TRPM3: variants seen among roughly 807,000 people sequenced by gnomAD.
TRPM3 encodes long transient receptor potential channel 3.
Under a neutral mutation model 181.2 loss-of-function variants are expected in TRPM3, and 77 were observed. The ratio of observed to expected loss-of-function variants is 0.42; its 90% CI spans 0.35 to 0.51. TRPM3 has a LOEUF of 0.51. Ranked by LOEUF, TRPM3 falls within the 20% of genes least tolerant of loss-of-function variation. TRPM3 has a pLI of 0.01. For missense variants in TRPM3, 1,759 were observed against 2,196.7 expected (o/e 0.80, Z 3.98); for synonymous variants, 745 against 796.4 (o/e 0.94, Z 1.09).
At position 71,176,078 on chromosome 9, in the gene TRPM3, T is replaced by C. The variant is rs374369296; in HGVS notation, c.183+270575A>G. 1.6e-4 allele frequency among the ~76,000 whole-genome samples: 25 copies of C among 152,296 alleles called. No individual in the cohort carries two copies. The South Asian group carries it at 3.5e-3, about 21-fold the overall frequency. On this transcript the variant is annotated intron_variant, in intron 1 of 24. Transcript: ENST00000357533. ...ATGACATACGGTACATAATACTTGA[T>C]AAGAAATGATGATGTTACTAGTGTA...
At chr9:71,398,475 G>A (rs562559617) in intron 1 of TRPM3, among the ~76,000 whole-genome samples, 164 of 152,290 alleles carry the variant, frequency 1.1e-3, no homozygotes, top group African/African-American at 3.9e-3. Context: ...CCTGGTGGGA[G>A]GTGATTGGAT....
chr9:70,836,641 T>G (rs1687641295), intron 5 of TRPM3, among the ~76,000 whole-genome samples: 1 of 152,168 alleles, frequency 6.6e-6, no homozygotes, highest in African/African-American at 2.4e-5. Flanking sequence ...CTGACTTTGC[T>G]TCTACCTCTC....
At chr9:70,611,507 A>G (rs1341741761) in intron 18 of TRPM3, among the ~76,000 whole-genome samples, 1 of 152,188 alleles carries the variant, frequency 6.6e-6, no homozygotes, top group East Asian at 1.9e-4. Context: ...TTTGCCTTCC[A>G]CCATGATTGT....
chr9:70,791,937 T>A lies in TRPM3; in HGVS notation c.974-7658A>T, dbSNP rs192478788. Among the ~76,000 whole-genome samples the A allele has an allele frequency of 3.5e-4, 54 of 152,340 alleles. 2 individuals are homozygous for A. In the Middle Eastern group the frequency reaches 0.02, roughly 58 times the overall value. On this transcript the variant is annotated intron_variant, in intron 6 of 25. Coordinates refer to ENST00000677713, the MANE Select transcript of TRPM3 (RefSeq NM_001366145.2). ...ATCGACTGGCCTTCTTTTGGGGCAT[T>A]GCCTTCTTGCTTTGCTTTTCTATCT...
At chr9:71,130,740 G>C (rs543214267) in intron 1 of TRPM3, among the ~76,000 whole-genome samples, 8 of 152,252 alleles carry the variant, frequency 5.3e-5, no homozygotes, top group African/African-American at 1.9e-4. Context: ...CTGGTTGACT[G>C]CATGGGACAA....
At chr9:71,054,745 G>A (rs2060466266) in intron 1 of TRPM3, among the ~76,000 whole-genome samples, 1 of 152,194 alleles carries the variant, frequency 6.6e-6, no homozygotes, top group South Asian at 2.1e-4. Context: ...CTGAAGGACT[G>A]ACTGGCAAAT....
chr9:70,811,345 G>C, intron 6 of TRPM3: 1 of 987,076 alleles, frequency 1.0e-6, no homozygotes, highest in East Asian at 2.6e-5. Flanking sequence ...TTATATACGT[G>C]ATGGCAACTC....
intron 1 of TRPM3, among the ~76,000 whole-genome samples, chr9:71,011,597 CT>C (rs2097740638): frequency 6.6e-6 from 1 of 151,874 alleles, no homozygotes; most frequent in African/African-American, 2.4e-5. Flanking sequence ...TTTGTTATAT[CT>C]GCAAGTATTT....
At chr9:71,188,415 G>A (rs1041295633) in intron 1 of TRPM3, among the ~76,000 whole-genome samples, 1 of 151,644 alleles carries the variant, frequency 6.6e-6, no homozygotes, top group Non-Finnish European at 1.5e-5. Context: ...TGCCTGTAGA[G>A]GTTTATATCA....
intron 6 of TRPM3, among the ~76,000 whole-genome samples, chr9:70,794,395 G>T (rs1301059445): frequency 1.3e-5 from 2 of 152,220 alleles, no homozygotes; most frequent in African/African-American, 4.8e-5. Flanking sequence ...AGCTTCTGGA[G>T]AGCAGCACCA....
intron 1 of TRPM3, among the ~76,000 whole-genome samples, chr9:71,284,116 G>GT (rs5898193): frequency 0.44 from 67,432 of 151,988 alleles, 15,037 homozygotes; most frequent in Middle Eastern, 0.49. Flanking sequence ...GCTTCAATGG[G>GT]TTTTTTACCA....
intron 12 of TRPM3, among the ~76,000 whole-genome samples, chr9:70,629,748 T>C (rs2065453498): frequency 1.3e-5 from 2 of 152,150 alleles, no homozygotes; most frequent in South Asian, 4.1e-4. Context: ...GTAAGTGATA[T>C]TTGGAGGAGT....
chr9:70,539,109 T>C (rs567088471), intron 25 of TRPM3, among the ~76,000 whole-genome samples: 4 of 152,350 alleles, frequency 2.6e-5, no homozygotes, highest in African/African-American at 9.6e-5. Context: ...TTAAGGCACT[T>C]GCTGCAGGAA....
intron 1 of TRPM3, among the ~76,000 whole-genome samples, chr9:71,356,100 T>C (rs1032964231): frequency 3.3e-5 from 5 of 152,108 alleles, no homozygotes; most frequent in African/African-American, 1.2e-4. Context: ...TCTCTGCCAC[T>C]CTTGAAATCA....
chr9:71,247,013 A>G (rs531515401), intron 1 of TRPM3, among the ~76,000 whole-genome samples: 64 of 152,298 alleles, frequency 4.2e-4, no homozygotes, highest in African/African-American at 1.4e-3. Context: ...CTGAGCTCCA[A>G]AAGTCTAAAA....
intron 1 of TRPM3, among the ~76,000 whole-genome samples, chr9:71,381,250 C>A (rs918028869): frequency 8.6e-5 from 13 of 152,046 alleles, no homozygotes; most frequent in Admixed American, 6.6e-5. Context: ...GAAATTAAAT[C>A]TAAAAGTACT....
intron 1 of TRPM3, among the ~76,000 whole-genome samples, chr9:71,099,068 G>C (rs929648553): frequency 6.6e-6 from 1 of 152,094 alleles, no homozygotes; most frequent in African/African-American, 2.4e-5. Flanking sequence ...GTCCATCTGG[G>C]CTGCTACAAC....
At chr9:70,542,643 T>C (rs1178646442) in intron 25 of TRPM3, among the ~76,000 whole-genome samples, 1 of 152,208 alleles carries the variant, frequency 6.6e-6, no homozygotes, top group Non-Finnish European at 1.5e-5. Context: ...TATGCTATTT[T>C]ATGGAACTTT....
intron 1 of TRPM3, among the ~76,000 whole-genome samples, chr9:71,077,286 TA>T (rs34046790): frequency 0.23 from 35,201 of 152,056 alleles, 4,842 homozygotes; most frequent in East Asian, 0.4. Flanking sequence ...ATCACTGGTT[TA>T]AAACACCAGA....
Sources: gnomAD v4.1 joint callset for allele counts (sites outside exome capture counted in the v4.1 genomes callset) on GRCh38, gnomAD v4.1.1 for gene constraint, MANE v1.5 for transcripts, NCBI Gene and HGNC (gene_info 2026-07-23, HGNC 2026-07-21) for gene names.